KCNH1: variants seen among roughly 807,000 people sequenced by gnomAD.
KCNH1 encodes the protein potassium voltage-gated channel subfamily H member 1, also known as voltage-gated delayed rectifier potassium channel KCNH1.
In KCNH1, 27 loss-of-function variants were observed where a neutral mutation model predicts 69.2. The ratio of observed to expected loss-of-function variants is 0.39; its 90% CI spans 0.29 to 0.54. The LOEUF is 0.54. KCNH1 is among the 20% of genes least tolerant of loss of function. The pLI, the probability that KCNH1 is intolerant of heterozygous loss-of-function variation, is 0.68. For synonymous variants in KCNH1, 456 were observed against 487.7 expected, an observed-to-expected ratio of 0.93 and a Z score of 0.86; for missense variants, 798 against 1,261.6, an observed-to-expected ratio of 0.63 and a Z score of 5.57.
chr1:210,963,669 A>C (rs1051491711), intron 6 of KCNH1, among the ~76,000 whole-genome samples: 1 of 152,082 alleles, frequency 6.6e-6, no homozygotes, highest in Admixed American at 6.6e-5. Flanking sequence ...AGCCGAATTG[A>C]TCAAGCGGAA....
intron 10 of KCNH1, among the ~76,000 whole-genome samples, chr1:210,751,359 A>G (rs1475540964): frequency 6.6e-6 from 1 of 152,230 alleles, no homozygotes; most frequent in Non-Finnish European, 1.5e-5. Flanking sequence ...CCTCACACGA[A>G]GAAAGCAGTT....
intron 3 of KCNH1, among the ~76,000 whole-genome samples, chr1:211,102,782 G>C (rs1691282762): frequency 6.6e-6 from 1 of 152,166 alleles, no homozygotes; most frequent in Non-Finnish European, 1.5e-5. Flanking sequence ...TTTCCTACCA[G>C]TCAATCCTAC....
intron 6 of KCNH1, among the ~76,000 whole-genome samples, chr1:210,974,896 C>A (rs1484503044): frequency 6.6e-6 from 1 of 152,056 alleles, no homozygotes; most frequent in African/African-American, 2.4e-5. Flanking sequence ...GTGCTATTAT[C>A]ATACATATCA....
chr1:210,930,900 T>C (rs995347873), intron 6 of KCNH1, among the ~76,000 whole-genome samples: 13 of 151,880 alleles, frequency 8.6e-5, no homozygotes, highest in African/African-American at 3.1e-4. Flanking sequence ...CAAAAGAAAA[T>C]ATACAAATGG....
intron 10 of KCNH1, among the ~76,000 whole-genome samples, chr1:210,715,123 C>T (rs1392012678): frequency 6.6e-6 from 1 of 152,178 alleles, no homozygotes; most frequent in East Asian, 1.9e-4. Context: ...CTCATGACAG[C>T]TCAAAGTTCT....
intron 1 of KCNH1, among the ~76,000 whole-genome samples, chr1:211,109,502 G>C (rs1691420185): frequency 6.6e-6 from 1 of 152,150 alleles, no homozygotes; most frequent in Admixed American, 6.5e-5. Flanking sequence ...TAGTTGGTTT[G>C]ACCATCTCTT....
chr1:210,859,449 T>G, intron 7 of KCNH1: 2 of 1,609,440 alleles, frequency 1.2e-6, no homozygotes, highest in Non-Finnish European at 8.5e-7. Context: ...CATCAATGAT[T>G]GTGGAATAGC....
At chr1:210,930,993 A>G (rs1353618147) in intron 6 of KCNH1, among the ~76,000 whole-genome samples, 1 of 152,214 alleles carries the variant, frequency 6.6e-6, no homozygotes, top group Non-Finnish European at 1.5e-5. Context: ...AAGAATGGCC[A>G]TAATCAAAAA....
intron 7 of KCNH1, among the ~76,000 whole-genome samples, chr1:210,837,035 T>G (rs529269826): frequency 3.8e-4 from 58 of 152,308 alleles, no homozygotes; most frequent in African/African-American, 1.4e-3. Flanking sequence ...TACCATGACT[T>G]ACGATGTTCT....
At chr1:210,777,939 G>A (rs1328806448) in intron 9 of KCNH1, among the ~76,000 whole-genome samples, 7 of 152,210 alleles carry the variant, frequency 4.6e-5, no homozygotes, top group Admixed American at 3.9e-4. Context: ...AGCCTTGCAG[G>A]CTCTGCCTGG....
chr1:211,013,097 C>G (rs1485596972), intron 6 of KCNH1, among the ~76,000 whole-genome samples: 2 of 152,186 alleles, frequency 1.3e-5, no homozygotes, highest in African/African-American at 2.4e-5. Flanking sequence ...TCCAGCTGGA[C>G]AGCAAGAGGA....
chr1:210,818,483 C>T (rs1684862977), intron 7 of KCNH1, among the ~76,000 whole-genome samples: 1 of 152,196 alleles, frequency 6.6e-6, no homozygotes, highest in South Asian at 2.1e-4. Flanking sequence ...TACTTACTTG[C>T]TGTGTGACTT....
intron 9 of KCNH1, 37 bp downstream of exon 9, chr1:210,797,471 C>A: frequency 6.2e-7 from 1 of 1,600,972 alleles, no homozygotes; most frequent in South Asian, 1.1e-5. Context: ...AAGCCAACCC[C>A]AGATACCTTT....
At chr1:210,758,574 T>A (rs1051531920) in intron 10 of KCNH1, among the ~76,000 whole-genome samples, 1 of 152,084 alleles carries the variant, frequency 6.6e-6, no homozygotes, top group Non-Finnish European at 1.5e-5. Context: ...CAGTCTACCC[T>A]TAAAGAAGGG....
chr1:210,804,213 T>C (rs752852665), intron 7 of KCNH1, 47 bp from the exon 8 acceptor site: 6 of 1,512,514 alleles, frequency 4.0e-6, no homozygotes, highest in African/African-American at 1.4e-5. Context: ...AAGTTAGTGG[T>C]CCCTGAGCCA....
Position 211,082,807 on chromosome 1 carries a change from A to G in KCNH1, c.531T>C (p.Asn177=), listed in dbSNP as rs774861794. ...QLAPSVQKGE[N]VHKHSRLAEV... ...CTGCCAGGCGGGAGTGCTTGTGGAC[A>G]TTCTCGCCTTTTTGCACGCTTGGAG... Residue 177 remains asparagine, a synonymous_variant, in exon 5 of 11, where the codon AAT becomes AAC. Coordinates refer to ENST00000271751, the MANE Select transcript of KCNH1 (RefSeq NM_172362.3). 5 of 1,614,076 alleles carry G rather than the reference A, an allele frequency of 3.1e-6. No homozygotes were observed. The East Asian group carries it at 6.7e-5, about 22-fold the overall frequency.
At chr1:211,132,455 G>C (rs1019424400) in intron 1 of KCNH1, 2 of 152,012 alleles carry the variant, frequency 1.3e-5, no homozygotes, top group African/African-American at 4.8e-5. Flanking sequence ...TGAAAGGAAA[G>C]GTGACTGACC....
chr1:210,993,240 AGAT>A (rs1688966538), intron 6 of KCNH1, among the ~76,000 whole-genome samples: 1 of 152,204 alleles, frequency 6.6e-6, no homozygotes, highest in South Asian at 2.1e-4. Context: ...CTGGTGGGAG[AGAT>A]GATGTTTCCA....
Position 211,079,139 on chromosome 1 carries a change from C to A in KCNH1, c.558+3641G>T, listed in dbSNP as rs368851174. 2.6e-5 allele frequency among the ~76,000 whole-genome samples: 4 copies of A among 152,156 alleles called. No homozygotes were observed. The East Asian group carries it at 7.7e-4, about 29-fold the overall frequency. On this transcript the variant is annotated intron_variant, in intron 5 of 10. Coordinates refer to ENST00000271751, the MANE Select transcript of KCNH1 (RefSeq NM_172362.3). ...TAAAAAAATGATAAAGGGGTTATCACCACCAATCCCACAGAAATACAAACT... is the reference window on the plus strand; with the variant it reads ...TAAAAAAATGATAAAGGGGTTATCAACACCAATCCCACAGAAATACAAACT...
Sources: gnomAD v4.1 joint callset for allele counts (sites outside exome capture counted in the v4.1 genomes callset) on GRCh38, gnomAD v4.1.1 for gene constraint, MANE v1.5 for transcripts, NCBI Gene and HGNC (gene_info 2026-07-23, HGNC 2026-07-21) for gene names.